Variants in CNTN5 observed in about 807,000 individuals in gnomAD.
The protein encoded by CNTN5 is contactin 5.
Under a neutral mutation model 129.1 loss-of-function variants are expected in CNTN5, and 77 were observed. That is an observed-to-expected ratio of 0.60 (90% CI 0.50 to 0.72). The LOEUF (loss-of-function observed/expected upper bound fraction) is 0.72. CNTN5 is among the 30% of genes least tolerant of loss of function. The probability of loss-of-function intolerance (pLI) is 0.00; values close to 1 mark genes in which losing one functional copy is unlikely to be tolerated. For synonymous variants in CNTN5, 509 were observed against 465.6 expected, an observed-to-expected ratio of 1.09 and a Z score of -1.20; for missense variants, 1,478 against 1,328.8, an observed-to-expected ratio of 1.11 and a Z score of -1.75.
intron 1 of CNTN5, among the ~76,000 whole-genome samples, chr11:99,255,295 TTAACTATATG>T (rs1399483946): frequency 1.3e-5 from 2 of 151,814 alleles, no homozygotes; most frequent in African/African-American, 4.8e-5. Context: ...ATATAGTTAT[TTAACTATATG>T]TAACGAATAG....
At chr11:99,412,279 A>G (rs1300126361) in intron 2 of CNTN5, among the ~76,000 whole-genome samples, 1 of 152,144 alleles carries the variant, frequency 6.6e-6, no homozygotes, top group Non-Finnish European at 1.5e-5. Context: ...AGGTGAATAG[A>G]TAGTTTCTTA....
chr11:99,938,733 A>C (rs1449692702), intron 7 of CNTN5, among the ~76,000 whole-genome samples: 1 of 152,130 alleles, frequency 6.6e-6, no homozygotes, highest in Non-Finnish European at 1.5e-5. Context: ...CGCAATCTAC[A>C]TACTTTACTT....
At chr11:99,048,893 G>A (rs1864317152) in intron 1 of CNTN5, among the ~76,000 whole-genome samples, 1 of 152,152 alleles carries the variant, frequency 6.6e-6, no homozygotes, top group South Asian at 2.1e-4. Flanking sequence ...TCCTTAGTGT[G>A]TTTTCATGGA....
At chr11:99,286,229 C>A (rs1202658371) in intron 1 of CNTN5, among the ~76,000 whole-genome samples, 4 of 152,110 alleles carry the variant, frequency 2.6e-5, no homozygotes. Context: ...CAGTTATCAT[C>A]CCCTAAATAT....
chr11:99,459,015 C>G (rs530900559), intron 2 of CNTN5, among the ~76,000 whole-genome samples: 1 of 152,150 alleles, frequency 6.6e-6, no homozygotes, highest in East Asian at 1.9e-4. Context: ...CCATGAAATA[C>G]AGACTTACCT....
At chr11:100,128,043 A>C (rs1030121751) in intron 13 of CNTN5, among the ~76,000 whole-genome samples, 1 of 151,958 alleles carries the variant, frequency 6.6e-6, no homozygotes, top group Non-Finnish European at 1.5e-5. Context: ...TCTGCAGATG[A>C]TCTCTATTGT....
At chr11:99,580,358 G>C (rs1419282886) in intron 3 of CNTN5, among the ~76,000 whole-genome samples, 1 of 152,156 alleles carries the variant, frequency 6.6e-6, no homozygotes, top group Non-Finnish European at 1.5e-5. Flanking sequence ...ATGAGTTAGG[G>C]AGGATTCCCT....
chr11:99,163,486 A>G (rs1860717737), intron 1 of CNTN5, among the ~76,000 whole-genome samples: 1 of 152,034 alleles, frequency 6.6e-6, no homozygotes, highest in African/African-American at 2.4e-5. Flanking sequence ...CTGTTTTTCA[A>G]TTAACACTCA....
At chr11:99,713,829 T>C (rs1955104893) in intron 3 of CNTN5, among the ~76,000 whole-genome samples, 1 of 151,996 alleles carries the variant, frequency 6.6e-6, no homozygotes, top group South Asian at 2.1e-4. Context: ...AAAGAATCCT[T>C]GCTGTTTGTG....
intron 20 of CNTN5, among the ~76,000 whole-genome samples, chr11:100,300,493 C>A (rs192769912): frequency 1.3e-5 from 2 of 151,506 alleles, no homozygotes; most frequent in Admixed American, 6.6e-5. Flanking sequence ...CTTATACTTC[C>A]TCTGTGCCCA....
rs539328503 is a variant in CNTN5, at chr11:100,203,311, C to G, written c.1884+9648C>G. Among the ~76,000 whole-genome samples the G allele has an allele frequency of 1.2e-4, 18 of 152,012 alleles. No individual in the cohort carries two copies. In the South Asian group the frequency reaches 3.7e-3, roughly 31 times the overall value. ...TGTGAACCCATTTTTATCAACATCC[C>G]TTTTTAGGCTTTGAAGCTTCTCTCA... On this transcript the variant is annotated intron_variant, in intron 15 of 24. Coordinates refer to ENST00000524871, the MANE Select transcript of CNTN5 (RefSeq NM_014361.4).
At chr11:99,919,341 A>T (rs921585763) in intron 7 of CNTN5, among the ~76,000 whole-genome samples, 4 of 151,762 alleles carry the variant, frequency 2.6e-5, no homozygotes, top group Non-Finnish European at 5.9e-5. Flanking sequence ...TCAGAGTTTG[A>T]TTCCTCTTCT....
chr11:99,311,115 G>T (rs1265210229), intron 1 of CNTN5, among the ~76,000 whole-genome samples: 1 of 152,026 alleles, frequency 6.6e-6, no homozygotes, highest in Non-Finnish European at 1.5e-5. Flanking sequence ...TTTTAGTAGA[G>T]ACTGGGTTTC....
intron 8 of CNTN5, among the ~76,000 whole-genome samples, chr11:99,987,274 T>C (rs948871289): frequency 6.6e-6 from 1 of 151,892 alleles, no homozygotes; most frequent in Non-Finnish European, 1.5e-5. Flanking sequence ...CCTGGTTTAG[T>C]TTACAGCTAA....
chr11:99,620,310 G>C (rs185488225), intron 3 of CNTN5, among the ~76,000 whole-genome samples: 1 of 151,368 alleles, frequency 6.6e-6, no homozygotes, highest in Non-Finnish European at 1.5e-5. Context: ...TTTTAACCTC[G>C]TCTTTATCTC....
chr11:99,614,657 C>G (rs1591363840), intron 3 of CNTN5, among the ~76,000 whole-genome samples: 1 of 152,318 alleles, frequency 6.6e-6, no homozygotes, highest in African/African-American at 2.4e-5. Context: ...CTGCGACAAT[C>G]TGTTACAGAT....
At chr11:100,203,322 T>C (rs918992980) in intron 15 of CNTN5, among the ~76,000 whole-genome samples, 2 of 152,026 alleles carry the variant, frequency 1.3e-5, no homozygotes, top group Non-Finnish European at 2.9e-5. Flanking sequence ...TTTTTAGGCT[T>C]TGAAGCTTCT....
At chr11:100,071,126 T>A (rs371573953) in intron 11 of CNTN5, among the ~76,000 whole-genome samples, 9 of 152,140 alleles carry the variant, frequency 5.9e-5, no homozygotes. Context: ...AATTTTTTGT[T>A]TTTTATACTA....
At position 99,254,470 on chromosome 11, in the gene CNTN5, T is replaced by C. The variant is rs1300164195; in HGVS notation, c.-209-70876T>C. Among the ~76,000 whole-genome samples, 9 of 152,036 alleles carry C rather than the reference T, an allele frequency of 5.9e-5. No homozygotes were observed. The East Asian group carries it at 9.7e-4, about 16-fold the overall frequency. ...TTTGGAAAATTAAATCATGAGGAAA[T>C]AGATTTTGCATCAGTAAAATGTATC... On this transcript the variant is annotated intron_variant, in intron 1 of 24. Transcript: ENST00000524871.
Sources: gnomAD v4.1 joint callset for allele counts (sites outside exome capture counted in the v4.1 genomes callset) on GRCh38, gnomAD v4.1.1 for gene constraint, MANE v1.5 for transcripts, NCBI Gene and HGNC (gene_info 2026-07-23, HGNC 2026-07-21) for gene names.